The following ADAMTS17 variants were observed in gnomAD, a reference collection of about 807,000 sequenced individuals.
ADAMTS17 encodes A disintegrin and metalloproteinase with thrombospondin motifs 17.
ADAMTS17 carries 113 observed loss-of-function variants against 141.5 expected under a neutral mutation model. The observed-to-expected ratio is 0.80, with a 90% CI of 0.69 to 0.93. The LOEUF (loss-of-function observed/expected upper bound fraction) is 0.93. Ranked by LOEUF, ADAMTS17 falls within the 40% of genes least tolerant of loss-of-function variation. The pLI is 0.00. For synonymous variants in ADAMTS17, 768 were observed against 630.6 expected, an observed-to-expected ratio of 1.22 and a Z score of -3.27; for missense variants, 1,659 against 1,517.9, an observed-to-expected ratio of 1.09 and a Z score of -1.54.
intron 10 of ADAMTS17, among the ~76,000 whole-genome samples, chr15:100,141,237 C>G (rs144762033): frequency 6.6e-6 from 1 of 152,190 alleles, no homozygotes; most frequent in African/African-American, 2.4e-5. Context: ...GCTGTGAAAA[C>G]GCGGGAAGGT....
chr15:100,309,291 C>T (rs539916286), intron 3 of ADAMTS17, among the ~76,000 whole-genome samples: 9 of 152,264 alleles, frequency 5.9e-5, no homozygotes, highest in South Asian at 2.1e-4. Flanking sequence ...CGAGGAAGGT[C>T]GAGGCTGCAG....
intron 3 of ADAMTS17, among the ~76,000 whole-genome samples, chr15:100,290,326 A>T (rs907282583): frequency 1.3e-5 from 2 of 152,232 alleles, no homozygotes; most frequent in Non-Finnish European, 2.9e-5. Context: ...CTACAGTGAG[A>T]ACTACAAAAC....
intron 2 of ADAMTS17, chr15:100,339,237 C>G (rs1052521108): frequency 4.7e-6 from 4 of 854,564 alleles, no homozygotes; most frequent in Non-Finnish European, 5.6e-6. Context: ...CCATCTATGA[C>G]AGGGCCCAGC....
rs924934307 is a variant in ADAMTS17 at position 100,335,946 on chromosome 15, T to G, written c.451-4892A>C. ...CCAGGGAAAAGTTAACCAACCACTC[T>G]GCATGGTTCCCTCAGATGTACTGGC... On this transcript the variant is annotated intron_variant, in intron 2 of 21. Transcript: ENST00000268070. 3.3e-5 allele frequency among the ~76,000 whole-genome samples: 5 copies of G among 152,188 alleles called. No homozygotes were observed. The South Asian group carries it at 6.2e-4, about 19-fold the overall frequency.
intron 15 of ADAMTS17, chr15:100,074,122 A>C (rs1398335017): frequency 6.5e-6 from 1 of 153,142 alleles, no homozygotes; most frequent in Non-Finnish European, 1.5e-5. Context: ...AGTACTAACC[A>C]GACCTGACCT....
In ADAMTS17 at chr15:100,132,012, G is replaced by A. The variant is rs199501248; in HGVS notation, c.1716C>T (p.Asn572=). Reference sequence around the variant, plus strand: ...TGGCTGGTCAGGGGACTTACGGGGGGTTGTCACATTTCCTCTGCCTGAAGC... The same window carrying A: ...TGGCTGGTCAGGGGACTTACGGGGGATTGTCACATTTCCTCTGCCTGAAGC... The part of the protein sequence containing the change: ...GARFRQRKCD[N]PPPGPGGTHC... The change falls in exon 12 of 22, where the codon AAC becomes AAT. Residue 572 remains asparagine (N), a synonymous_variant. Transcript: ENST00000268070. 2 of 1,614,222 alleles carry A rather than the reference G, an allele frequency of 1.2e-6. No homozygotes were observed. The highest frequency in any genetic ancestry group is 1.7e-5 in the Admixed American group (1 of 60,038).
At chr15:100,011,365 A>AGG (rs1567674389) in intron 18 of ADAMTS17, among the ~76,000 whole-genome samples, 8 of 11,660 alleles carry the variant, frequency 6.9e-4, no homozygotes, top group Admixed American at 1.1e-3. Flanking sequence ...CGGGAGGGAG[A>AGG]GAAGGAAAGG....
At chr15:100,096,997 G>A (rs752289268) in intron 14 of ADAMTS17, among the ~76,000 whole-genome samples, 15 of 152,064 alleles carry the variant, frequency 9.9e-5, no homozygotes, top group African/African-American at 1.7e-4. Flanking sequence ...GGCTTGGCAC[G>A]GGCCCCTCTT....
chr15:100,213,501 G>A (rs773757604), intron 7 of ADAMTS17, among the ~76,000 whole-genome samples: 4 of 152,032 alleles, frequency 2.6e-5, no homozygotes, highest in Non-Finnish European at 5.9e-5. Flanking sequence ...CACACACCCC[G>A]GGAACATCCC....
chr15:100,046,497 A>G (rs1409420967), intron 18 of ADAMTS17, among the ~76,000 whole-genome samples: 1 of 152,202 alleles, frequency 6.6e-6, no homozygotes, highest in East Asian at 1.9e-4. Flanking sequence ...TAGCTTGAAA[A>G]CAGAACTAAT....
intron 8 of ADAMTS17, among the ~76,000 whole-genome samples, chr15:100,190,167 A>G (rs2040865455): frequency 6.6e-6 from 1 of 152,126 alleles, no homozygotes; most frequent in African/African-American, 2.4e-5. Flanking sequence ...CTCATTCTAC[A>G]TCCATCTACT....
At chr15:100,322,799 A>G (rs1470493099) in intron 3 of ADAMTS17, among the ~76,000 whole-genome samples, 1 of 152,234 alleles carries the variant, frequency 6.6e-6, no homozygotes, top group Non-Finnish European at 1.5e-5. Context: ...ACACAGAATT[A>G]TAAATTGGCC....
intron 15 of ADAMTS17, among the ~76,000 whole-genome samples, chr15:100,084,495 T>C (rs965908122): frequency 2.0e-5 from 3 of 152,192 alleles, no homozygotes; most frequent in Admixed American, 1.3e-4. Context: ...AAGAGAGTAG[T>C]AGTTCTCCCA....
intron 2 of ADAMTS17, among the ~76,000 whole-genome samples, chr15:100,336,942 C>T (rs1451535890): frequency 1.3e-5 from 2 of 152,190 alleles, no homozygotes; most frequent in Admixed American, 6.5e-5. Flanking sequence ...GGCGGGATCT[C>T]ACCTCACTGC....
chr15:100,144,137 G>A (rs1407750972), intron 10 of ADAMTS17, among the ~76,000 whole-genome samples: 1 of 152,184 alleles, frequency 6.6e-6, no homozygotes, highest in African/African-American at 2.4e-5. Flanking sequence ...AGTAATATAT[G>A]CGTTTGTCAA....
chr15:100,169,959 G>A (rs1459184582), intron 8 of ADAMTS17, among the ~76,000 whole-genome samples: 1 of 152,122 alleles, frequency 6.6e-6, no homozygotes, highest in Non-Finnish European at 1.5e-5. Context: ...CGGGGTTCAG[G>A]GTTGGTTCCC....
chr15:100,294,547 C>CAAAA (rs781219628), intron 3 of ADAMTS17, among the ~76,000 whole-genome samples: 12 of 129,504 alleles, frequency 9.3e-5, no homozygotes, highest in Non-Finnish European at 1.9e-4. Flanking sequence ...CCAGCGTGGG[C>CAAAA]AAAAAAAAAA....
rs2060728115 is a variant in ADAMTS17, at chr15:99,993,289, G to A, written c.2797-89C>T. The A allele has an allele frequency of 2.3e-5, 36 of 1,544,730 alleles. No individual in the cohort carries two copies. The highest frequency in any genetic ancestry group is 3.4e-4 in the Middle Eastern group (2 of 5,934). ...TAACTCCCTCCAATGTGCCAGGTGC[G>A]GTGTGGGGATGATACAAAGATGAAA... On this transcript the variant is annotated intron_variant, in intron 19 of 21. Coordinates refer to ENST00000268070, the MANE Select transcript of ADAMTS17 (RefSeq NM_139057.4). This position sits in a 1 kb window ranked among gnomAD's most constrained non-coding sequence, Gnocchi z 4.3.
intron 8 of ADAMTS17, among the ~76,000 whole-genome samples, chr15:100,187,143 A>G (rs556578714): frequency 3.3e-5 from 5 of 152,286 alleles, no homozygotes; most frequent in Admixed American, 3.3e-4. Context: ...TGCACTGCAC[A>G]TCCCTGGTGT....
Sources: allele counts gnomAD v4.1 joint callset (sites outside exome capture counted in the v4.1 genomes callset), GRCh38; gene constraint gnomAD v4.1.1; non-coding constraint Gnocchi (gnomAD v3.1); transcripts MANE v1.5; gene names NCBI Gene and HGNC (gene_info 2026-07-23, HGNC 2026-07-21).